Variants in SLC29A4 observed in about 807,000 individuals in gnomAD.
SLC29A4 encodes solute carrier family 29 member 4, also known as equilibrative nucleoside transporter 4.
Under a neutral mutation model 43.9 loss-of-function variants are expected in SLC29A4, and 36 were observed. The observed-to-expected ratio is 0.82, with a 90% CI of 0.63 to 1.08. The LOEUF (loss-of-function observed/expected upper bound fraction) is 1.08, where lower values mean the gene tolerates loss of function less well. Ranked by LOEUF, SLC29A4 falls within the 50% of genes least tolerant of loss-of-function variation. The probability of loss-of-function intolerance (pLI) is 0.00; values close to 1 mark genes in which losing one functional copy is unlikely to be tolerated. For synonymous variants in SLC29A4, 491 were observed against 338.0 expected (o/e 1.45, Z -4.97); for missense variants, 869 against 755.3 (o/e 1.15, Z -1.77).
At position 5,287,864 on chromosome 7, in the gene SLC29A4, C is replaced by G; in HGVS notation, c.48C>G (p.Gly16=). 1 of 1,611,936 alleles carries G rather than the reference C, an allele frequency of 6.2e-7. No homozygotes were observed. Among genetic ancestry groups the G allele is most frequent in the Non-Finnish European group, 8.5e-7 (1 of 1,179,830 alleles). Residue 16 remains glycine, a synonymous_variant, in exon 2 of 11, where the codon GGC becomes GGG. Coordinates refer to ENST00000396872, the MANE Select transcript of SLC29A4 (RefSeq NM_153247.4). The part of the protein sequence containing the change: ...SQRLEEPSVA[G]TPDPGVVMSF... ...GCCTTGAGGAGCCCAGCGTGGCAGG[C>G]ACACCAGACCCGGGCGTAGTGATGA...
chr7:5,291,803 G>A lies in SLC29A4; in HGVS notation c.526G>A (p.Val176Met), dbSNP rs769197904. 23 of 1,611,606 alleles carry A rather than the reference G, an allele frequency of 1.4e-5. No homozygotes were observed. The highest frequency in any genetic ancestry group is 4.5e-5 in the East Asian group (2 of 44,886). The change falls in exon 5 of 11, where the codon GTG (valine) becomes ATG (methionine). Residue 176 changes from valine to methionine, a missense_variant. Transcript: ENST00000396872. Reference protein sequence around the residue: ...YAINLAAVGTVAFGCTVQQSS... With the variant: ...YAINLAAVGTMAFGCTVQQSS... Reference sequence around the variant, plus strand: ...CATCAACCTGGCCGCTGTGGGCACCGTGGCCTTCGGCTGCACAGGTAGGAA... The same window carrying A: ...CATCAACCTGGCCGCTGTGGGCACCATGGCCTTCGGCTGCACAGGTAGGAA...
chr7:5,289,002 C>T (rs1409626613), intron 2 of SLC29A4, among the ~76,000 whole-genome samples: 5 of 152,178 alleles, frequency 3.3e-5, no homozygotes, highest in East Asian at 3.8e-4. Flanking sequence ...TCAGAATCCA[C>T]AGAATCTTGC....
chr7:5,303,119 C>T lies in SLC29A4; in HGVS notation c.*180C>T. On this transcript the variant is annotated 3_prime_UTR_variant, in exon 11 of 11. Transcript: ENST00000396872. ...CTGGACTGAAGTTCTGCAAAGTCCT[C>T]CGAGGACCGGAACACGTTTCTGCGA... The T allele has an allele frequency of 1.4e-6, 1 of 731,066 alleles. No homozygotes were observed. Among genetic ancestry groups the T allele is most frequent in the Non-Finnish European group, 2.2e-6 (1 of 456,154 alleles). The allele number at this position is 731,066 out of a possible 1,614,324, so 45.3% of individuals were successfully genotyped here.
At chr7:5,295,453 G>T (rs1045059597) in intron 6 of SLC29A4, among the ~76,000 whole-genome samples, 3 of 152,056 alleles carry the variant, frequency 2.0e-5, no homozygotes, top group African/African-American at 7.2e-5. Context: ...TCAGCAAATG[G>T]CACCCCTTTG....
At chr7:5,288,193 G>T (rs539737463) in intron 2 of SLC29A4, among the ~76,000 whole-genome samples, 5 of 152,058 alleles carry the variant, frequency 3.3e-5, no homozygotes, top group Non-Finnish European at 7.4e-5. Flanking sequence ...CCTGCTGGGG[G>T]CCCTGCCGAC....
chr7:5,291,834 G>A lies in SLC29A4; in HGVS notation c.544+13G>A, dbSNP rs778569396. On this transcript the variant is annotated intron_variant, in intron 5 of 10. Transcript: ENST00000396872. ...TTCGGCTGCACAGGTAGGAACCGGG[G>A]CCCAAGGGGGAGGCCTTGAGTGCCC... The A allele has an allele frequency of 8.1e-6, 13 of 1,608,588 alleles. No individual in the cohort carries two copies. The African/African-American group carries it at 1.5e-4, about 18-fold the overall frequency.
At chr7:5,285,872 G>T (rs1784912640) in intron 1 of SLC29A4, among the ~76,000 whole-genome samples, 1 of 152,098 alleles carries the variant, frequency 6.6e-6, no homozygotes, top group Admixed American at 6.6e-5. Context: ...AATTAGCCGG[G>T]CCTGGTGGCA....
rs766703787 is a variant in SLC29A4, at chr7:5,300,680, T to A, written c.1450+18T>A. ...GCTGGCAGGTGAGGCCCGCGGGACG[T>A]GGGGGTGGGGGCGTCCTCCCAGCAG... On this transcript the variant is annotated intron_variant, in intron 10 of 10. Coordinates refer to ENST00000396872, the MANE Select transcript of SLC29A4 (RefSeq NM_153247.4). 5 of 1,600,704 alleles carry A rather than the reference T, an allele frequency of 3.1e-6. No homozygotes were observed. Among genetic ancestry groups the A allele is most frequent in the Non-Finnish European group, 4.2e-6 (5 of 1,177,640 alleles).
intron 6 of SLC29A4, among the ~76,000 whole-genome samples, chr7:5,296,329 C>T (rs1056070839): frequency 6.6e-6 from 1 of 151,368 alleles, no homozygotes; most frequent in Non-Finnish European, 1.5e-5. Context: ...CTACTGCGTC[C>T]TCAGAGCAGG....
chr7:5,298,530 A>C (rs1785877990), intron 7 of SLC29A4, among the ~76,000 whole-genome samples: 3 of 152,152 alleles, frequency 2.0e-5, no homozygotes, highest in African/African-American at 7.2e-5. Context: ...AGTGGCTCAC[A>C]CCTGCAATCC....
intron 1 of SLC29A4, among the ~76,000 whole-genome samples, chr7:5,286,035 AT>A (rs1784923994): frequency 6.6e-6 from 1 of 151,896 alleles, no homozygotes; most frequent in African/African-American, 2.4e-5. Flanking sequence ...AAACAAAAAA[AT>A]CAAGGTTCCT....
Position 5,300,652 on chromosome 7 carries a change from G to A in SLC29A4, c.1440G>A (p.Arg480=), listed in dbSNP as rs375115184. 83 of 1,608,188 alleles carry A rather than the reference G, an allele frequency of 5.2e-5. No individual in the cohort carries two copies. The highest frequency in any genetic ancestry group is 6.9e-5 in the Non-Finnish European group (81 of 1,178,858). ...CAGGCAAAGTGAGCCCCAAGCAGCG[G>A]GAGCTGGCAGGTGAGGCCCGCGGGA... ...LAAGKVSPKQ[R]ELAGNTMTVS... is the part of the protein sequence containing the mutation. Residue 480 remains arginine (R), a synonymous_variant, in exon 10 of 11, where the codon CGG becomes CGA. Transcript: ENST00000396872.
At chr7:5,297,866 T>C (rs957875244) in intron 7 of SLC29A4, among the ~76,000 whole-genome samples, 2 of 152,120 alleles carry the variant, frequency 1.3e-5, no homozygotes, top group African/African-American at 4.8e-5. Flanking sequence ...ACAGAGGCAC[T>C]GCCCCTACGG....
Position 5,297,279 on chromosome 7 carries a change from C to A in SLC29A4, c.882+81C>A, listed in dbSNP as rs1390148938. 7.8e-6 allele frequency: 11 copies of A among 1,409,670 alleles called. No homozygotes were observed. The East Asian group carries it at 2.0e-4, about 26-fold the overall frequency. 87.3% of individuals were successfully genotyped at this position (1,409,670 alleles called of 1,614,324 possible). A position where few individuals can be genotyped will look rare whatever the true frequency, so the allele number is the denominator to read the frequency against. On this transcript the variant is annotated intron_variant, in intron 7 of 10. Coordinates refer to ENST00000396872, the MANE Select transcript of SLC29A4 (RefSeq NM_153247.4). The stretch of plus-strand genomic sequence containing the variant: ...CGCTTCGTCGGGAAGTACCTGGGGC[C>A]CAGCCTCTCACCTGCATCCCAGACT...
chr7:5,292,314 G>A lies in SLC29A4; in HGVS notation c.544+493G>A, dbSNP rs111488498. 5.4e-3 allele frequency among the ~76,000 whole-genome samples: 823 copies of A among 152,244 alleles called. 11 individuals carry two copies. Among genetic ancestry groups the A allele is most frequent in the African/African-American group, 0.019 (771 of 41,534 alleles). On this transcript the variant is annotated intron_variant, in intron 5 of 10. Transcript: ENST00000396872. The stretch of plus-strand genomic sequence containing the variant: ...TGTTTGTAGAGACGGGGATCTCTCT[G>A]TGTTGCCCAGGCTAGTCTTGAACTC...
chr7:5,286,685 A>G (rs889832924), intron 1 of SLC29A4, among the ~76,000 whole-genome samples: 1 of 152,120 alleles, frequency 6.6e-6, no homozygotes, highest in Non-Finnish European at 1.5e-5. Flanking sequence ...AATTGAAGCA[A>G]GAAGCACTGA....
In SLC29A4 at chr7:5,299,407, C is replaced by A. The variant is rs1213338753; in HGVS notation, c.1189C>A (p.Leu397Met). ...LPILIMAVFN[L>M]SDFVGKILAA... ...CATCCTCATCATGGCTGTGTTCAACCTGTCAGACTTCGTGGGCAAGGTGGG... is the reference window on the plus strand; with the variant it reads ...CATCCTCATCATGGCTGTGTTCAACATGTCAGACTTCGTGGGCAAGGTGGG... The change falls in exon 9 of 11, where the codon CTG becomes ATG. Residue 397 changes from leucine to methionine, a missense_variant. Transcript: ENST00000396872. 6.2e-7 allele frequency: 1 copy of A among 1,611,842 alleles called. No homozygotes were observed. Among genetic ancestry groups the A allele is most frequent in the Non-Finnish European group, 8.5e-7 (1 of 1,179,598 alleles).
chr7:5,294,897 G>A lies in SLC29A4; in HGVS notation c.582G>A (p.Leu194=). 1 of 1,611,458 alleles carries A rather than the reference G, an allele frequency of 6.2e-7. No homozygotes were observed. Among genetic ancestry groups the A allele is most frequent in the South Asian group, 1.1e-5 (1 of 90,806 alleles). ...QSSFYGYTGM[L]PKRYTQGVMT... is the part of the protein sequence containing the mutation. ...GCTTCTACGGGTACACGGGGATGCT[G>A]CCCAAGCGGTACACGCAGGGGGTGA... Residue 194 remains leucine, a synonymous_variant, in exon 6 of 11, where the codon CTG becomes CTA. Coordinates refer to ENST00000396872, the MANE Select transcript of SLC29A4 (RefSeq NM_153247.4).
chr7:5,296,898 G>A (rs1785714968), intron 6 of SLC29A4, 38 bp from the exon 7 acceptor site: 1 of 1,441,230 alleles, frequency 6.9e-7, no homozygotes, highest in South Asian at 1.3e-5. Flanking sequence ...CAGGGAGCTG[G>A]GCGGATCAGG....
Sources: allele counts gnomAD v4.1 joint callset (sites outside exome capture counted in the v4.1 genomes callset), GRCh38; gene constraint gnomAD v4.1.1; transcripts MANE v1.5; gene names NCBI Gene and HGNC (gene_info 2026-07-23, HGNC 2026-07-21).